The following WWOX variants were observed in gnomAD, a reference collection of about 807,000 sequenced individuals.
WWOX encodes WW domain containing oxidoreductase.
Under a neutral mutation model 46.2 loss-of-function variants are expected in WWOX, and 69 were observed. The ratio of observed to expected loss-of-function variants is 1.49; its 90% confidence interval spans 1.23 to 1.82. The LOEUF (loss-of-function observed/expected upper bound fraction) is 1.82. Among genes scored for constraint, WWOX ranks in the 40% most tolerant of loss-of-function variants. WWOX has a pLI of 0.00. For missense variants in WWOX, 919 were observed against 542.6 expected (o/e 1.69, Z -6.89); for synonymous variants, 359 against 202.6 (o/e 1.77, Z -6.56).
At chr16:78,943,513 G>C (rs6564624) in intron 8 of WWOX, among the ~76,000 whole-genome samples, 29,867 of 152,052 alleles carry the variant, frequency 0.2, 4,277 homozygotes, top group African/African-American at 0.4. Flanking sequence ...CCAAGCCATG[G>C]GGTTATCGAG....
intron 8 of WWOX, among the ~76,000 whole-genome samples, chr16:78,884,292 AAC>A (rs550642451): frequency 0.078 from 10,536 of 134,238 alleles, 678 homozygotes; most frequent in African/African-American, 0.19. Flanking sequence ...AAAAAAAAAA[AAC>A]AAAAGACCAT....
In WWOX at chr16:79,028,116, A is replaced by G. The variant is rs140168203; in HGVS notation, c.1057-183492A>G. Among the ~76,000 whole-genome samples, 629 of 151,550 alleles carry G rather than the reference A, an allele frequency of 4.2e-3. 14 individuals are homozygous for G. In the East Asian group the frequency reaches 0.057, roughly 14 times the overall value. ...CAGGCACCTGCCACGACGCCTGGCT[A>G]ATTTTTGTATTTTCAGCAGAGACGG... On this transcript the variant is annotated intron_variant, in intron 8 of 8. Coordinates refer to ENST00000566780, the MANE Select transcript of WWOX (RefSeq NM_016373.4).
chr16:78,746,846 T>G (rs1188513633), intron 8 of WWOX, among the ~76,000 whole-genome samples: 1 of 152,198 alleles, frequency 6.6e-6, no homozygotes. Context: ...AATAAATATT[T>G]GATCTTGTGA....
intron 8 of WWOX, among the ~76,000 whole-genome samples, chr16:79,195,492 G>A (rs1188194815): frequency 6.6e-6 from 1 of 152,174 alleles, no homozygotes; most frequent in East Asian, 1.9e-4. Flanking sequence ...GGACAGCCTA[G>A]CATCTGAGGA....
chr16:78,844,228 T>G (rs2052238025), intron 8 of WWOX, among the ~76,000 whole-genome samples: 1 of 152,198 alleles, frequency 6.6e-6, no homozygotes, highest in South Asian at 2.1e-4. Context: ...GTTGTGCTAT[T>G]CTTAGCCCAA....
chr16:78,684,996 T>C (rs2047821968), intron 8 of WWOX, among the ~76,000 whole-genome samples: 1 of 152,166 alleles, frequency 6.6e-6, no homozygotes, highest in Admixed American at 6.5e-5. Flanking sequence ...CTCAATGTGA[T>C]TTTTATTCTG....
intron 8 of WWOX, among the ~76,000 whole-genome samples, chr16:79,144,136 G>A (rs1451333391): frequency 1.3e-5 from 2 of 152,150 alleles, no homozygotes; most frequent in African/African-American, 2.4e-5. Flanking sequence ...TGGCCTCAAA[G>A]CGATCCTCCT....
intron 6 of WWOX, among the ~76,000 whole-genome samples, chr16:78,415,388 C>T (rs931332458): frequency 2.0e-5 from 3 of 152,054 alleles, no homozygotes; most frequent in Admixed American, 6.6e-5. Flanking sequence ...TTTACTGCAA[C>T]CTATTTTATC....
intron 5 of WWOX, among the ~76,000 whole-genome samples, chr16:78,244,777 C>T (rs552531758): frequency 6.6e-6 from 1 of 152,228 alleles, no homozygotes; most frequent in South Asian, 2.1e-4. Flanking sequence ...AATGTACAGC[C>T]CTTATCCAGT....
intron 8 of WWOX, among the ~76,000 whole-genome samples, chr16:78,740,385 G>T (rs2049189740): frequency 6.6e-6 from 1 of 152,192 alleles, no homozygotes; most frequent in East Asian, 1.9e-4. Flanking sequence ...GATTTGTGAA[G>T]ATGGCTCTGC....
intron 8 of WWOX, among the ~76,000 whole-genome samples, chr16:78,727,672 C>G (rs184946411): frequency 5.9e-5 from 9 of 152,220 alleles, no homozygotes; most frequent in East Asian, 1.9e-4. Flanking sequence ...TCCCTTATGT[C>G]AAGCTTCTTT....
At chr16:78,832,911 A>T (rs1304722566) in intron 8 of WWOX, among the ~76,000 whole-genome samples, 1 of 152,190 alleles carries the variant, frequency 6.6e-6, no homozygotes, top group Non-Finnish European at 1.5e-5. Context: ...TTTCTCTCTG[A>T]AAGTAAGAAA....
intron 5 of WWOX, among the ~76,000 whole-genome samples, chr16:78,346,097 T>G (rs1307633401): frequency 8.2e-6 from 1 of 121,620 alleles, no homozygotes; most frequent in East Asian, 1.9e-4. Context: ...AATTTGCATT[T>G]TCTAGAATTT....
intron 8 of WWOX, among the ~76,000 whole-genome samples, chr16:78,769,747 C>G (rs2050018491): frequency 1.3e-5 from 2 of 151,376 alleles, no homozygotes; most frequent in South Asian, 4.2e-4. Context: ...TCATGCCTGT[C>G]TGTAATCCCA....
chr16:79,170,580 G>T (rs968776294), intron 8 of WWOX, among the ~76,000 whole-genome samples: 2 of 150,886 alleles, frequency 1.3e-5, no homozygotes, highest in African/African-American at 4.9e-5. Flanking sequence ...GCAAATGATT[G>T]CTTGATTCTA....
intron 8 of WWOX, among the ~76,000 whole-genome samples, chr16:78,625,040 A>T (rs1473602667): frequency 6.6e-6 from 1 of 152,162 alleles, no homozygotes; most frequent in Non-Finnish European, 1.5e-5. Context: ...CTTTGGGAAG[A>T]GGTGTCTTCC....
intron 8 of WWOX, among the ~76,000 whole-genome samples, chr16:78,907,050 G>A (rs548233258): frequency 6.6e-6 from 1 of 152,152 alleles, no homozygotes; most frequent in South Asian, 2.1e-4. Flanking sequence ...GTTTAATGTT[G>A]GTAGAGCCAG....
Position 79,124,382 on chromosome 16 carries a change from G to C in WWOX, c.1057-87226G>C, listed in dbSNP as rs145876858. 4.3e-4 allele frequency among the ~76,000 whole-genome samples: 65 copies of C among 152,234 alleles called. No homozygotes were observed. In the East Asian group the frequency reaches 0.012, roughly 29 times the overall value. On this transcript the variant is annotated intron_variant, in intron 8 of 8. Transcript: ENST00000566780. ...AATCACTGGTTTATTGGAAACCATA[G>C]AGAAGTATAAGTAATTATTATGCTT... is the stretch of plus-strand genomic sequence containing the variant.
intron 8 of WWOX, among the ~76,000 whole-genome samples, chr16:78,983,951 G>C (rs1221181524): frequency 1.5e-5 from 2 of 136,600 alleles, no homozygotes; most frequent in African/African-American, 5.4e-5. Flanking sequence ...AGTCTCAGCT[G>C]ACTGCAAGCT....
Sources: gnomAD v4.1 joint callset for allele counts (sites outside exome capture counted in the v4.1 genomes callset) on GRCh38, gnomAD v4.1.1 for gene constraint, MANE v1.5 for transcripts, NCBI Gene and HGNC (gene_info 2026-07-23, HGNC 2026-07-21) for gene names.